The following MEGF10 variants were observed in gnomAD, a reference collection of about 807,000 sequenced individuals.
MEGF10 encodes multiple epidermal growth factor-like domains protein 10.
MEGF10 carries 86 observed loss-of-function variants against 147.5 expected under a neutral mutation model. The observed-to-expected ratio is 0.58, with a 90% CI of 0.49 to 0.70. The LOEUF is 0.70. Among genes scored for constraint, MEGF10 ranks in the 30% least tolerant of loss-of-function variants. The pLI is 0.00. For missense variants in MEGF10, 1,329 were observed against 1,487.3 expected (o/e 0.89, Z 1.75); for synonymous variants, 478 against 525.5 (o/e 0.91, Z 1.24).
the MEGF10 span, among the ~76,000 whole-genome samples, chr5:127,247,404 GAAGAAGAA>G: frequency 5.0e-5 from 3 of 60,418 alleles, no homozygotes; most frequent in African/African-American, 1.8e-4. Flanking sequence ...AGAAGAAGAA[GAAGAAGAA>G]GAAGAAGAAG....
At chr5:127,397,120 A>T (rs17839695) in intron 6 of MEGF10, among the ~76,000 whole-genome samples, 29,665 of 152,100 alleles carry the variant, frequency 0.2, 3,429 homozygotes, top group African/African-American at 0.32. Context: ...TCTCCCGAGA[A>T]TATGTTCATT....
chr5:127,365,550 A>G (rs1222754763), intron 4 of MEGF10, among the ~76,000 whole-genome samples: 1 of 152,226 alleles, frequency 6.6e-6, no homozygotes. Context: ...CCACCTGTCC[A>G]TCAGGCAGAC....
intron 1 of MEGF10, among the ~76,000 whole-genome samples, chr5:127,302,045 A>G (rs1216221415): frequency 6.6e-6 from 1 of 152,230 alleles, no homozygotes; most frequent in Non-Finnish European, 1.5e-5. Context: ...TAAACAAAAA[A>G]TTATTTATCT....
chr5:127,278,353 T>C, the MEGF10 span, among the ~76,000 whole-genome samples: 3 of 151,836 alleles, frequency 2.0e-5, no homozygotes, highest in Non-Finnish European at 2.9e-5. Context: ...CAGTATTAAA[T>C]TGAGGGTTGG....
chr5:127,358,882 T>C (rs753263277), intron 4 of MEGF10, among the ~76,000 whole-genome samples: 2 of 152,186 alleles, frequency 1.3e-5, no homozygotes, highest in Non-Finnish European at 2.9e-5. Flanking sequence ...ACTCAACCTA[T>C]AGAGACACAC....
chr5:127,459,103 G>A lies in MEGF10; in HGVS notation c.*1785G>A, dbSNP rs1487923018. 6.6e-6 allele frequency: 1 copy of A among 152,168 alleles called. No individual in the cohort carries two copies. The highest frequency in any genetic ancestry group is 6.5e-5 in the Admixed American group (1 of 15,274). 9.4% of individuals were successfully genotyped at this position (152,168 alleles called of 1,614,324 possible). On this transcript the variant is annotated 3_prime_UTR_variant, in exon 25 of 25. Transcript: ENST00000503335. ...GACATGAAATCCTATATGGCATTCT[G>A]TCTCAGTGAGTCAGTTAACAAATAC... is the stretch of plus-strand genomic sequence containing the variant.
intron 4 of MEGF10, among the ~76,000 whole-genome samples, chr5:127,354,005 T>C (rs1177490496): frequency 6.6e-6 from 1 of 152,226 alleles, no homozygotes; most frequent in East Asian, 1.9e-4. Flanking sequence ...CTGAACTGTG[T>C]ATGATTTCCT....
intron 4 of MEGF10, among the ~76,000 whole-genome samples, chr5:127,345,579 G>A (rs1489886977): frequency 6.6e-6 from 1 of 151,930 alleles, no homozygotes; most frequent in East Asian, 1.9e-4. Context: ...TCCTTGTGGT[G>A]GTTTTACTCT....
chr5:127,441,829 T>C (rs1271663784), intron 18 of MEGF10, among the ~76,000 whole-genome samples: 2 of 152,162 alleles, frequency 1.3e-5, no homozygotes, highest in Non-Finnish European at 1.5e-5. Flanking sequence ...CACTGGCACC[T>C]CACAGAGCCA....
chr5:127,433,327 C>T, intron 13 of MEGF10, 36 bp from the exon 14 acceptor site: 1 of 1,613,998 alleles, frequency 6.2e-7, no homozygotes, highest in South Asian at 1.1e-5. Context: ...TCCGCACTGC[C>T]TCTCACTCAG....
intron 5 of MEGF10, among the ~76,000 whole-genome samples, chr5:127,385,940 AC>A (rs888995218): frequency 4.7e-4 from 71 of 152,288 alleles, no homozygotes; most frequent in African/African-American, 1.7e-3. Context: ...CCTTGTCTCT[AC>A]AAAATATTTT....
At chr5:127,394,157 A>G (rs1478846941) in intron 5 of MEGF10, among the ~76,000 whole-genome samples, 4 of 152,228 alleles carry the variant, frequency 2.6e-5, no homozygotes, top group African/African-American at 9.6e-5. Flanking sequence ...TTGGTCAACT[A>G]ATTCTCTACT....
intron 1 of MEGF10, among the ~76,000 whole-genome samples, chr5:127,306,998 C>G (rs1561560050): frequency 6.6e-6 from 1 of 152,124 alleles, no homozygotes; most frequent in African/African-American, 2.4e-5. Context: ...GACAGTGATG[C>G]AGATTTCAAG....
intron 4 of MEGF10, among the ~76,000 whole-genome samples, chr5:127,355,290 TA>T (rs1762239830): frequency 6.6e-6 from 1 of 151,980 alleles, no homozygotes; most frequent in Non-Finnish European, 1.5e-5. Context: ...TGTTTAATGA[TA>T]AAATTGTGAT....
the MEGF10 span, among the ~76,000 whole-genome samples, chr5:127,239,631 A>T: frequency 1.6e-4 from 25 of 151,980 alleles, 1 homozygote; most frequent in African/African-American, 6.0e-4. Flanking sequence ...TTCATAATTT[A>T]AAAATATATC....
chr5:127,277,830 T>C, the MEGF10 span, among the ~76,000 whole-genome samples: 1 of 152,122 alleles, frequency 6.6e-6, no homozygotes, highest in Admixed American at 6.5e-5. Context: ...GTTTTTGATA[T>C]AAGCAAATGA....
chr5:127,257,797 CA>C, the MEGF10 span, among the ~76,000 whole-genome samples: 3 of 151,742 alleles, frequency 2.0e-5, no homozygotes, highest in East Asian at 5.8e-4. Flanking sequence ...TTTTTGGAGA[CA>C]AAAAAATGTA....
intron 3 of MEGF10, among the ~76,000 whole-genome samples, 166 bp from the exon 4 acceptor site, chr5:127,340,364 A>AG (rs561132056): frequency 2.1e-4 from 32 of 152,326 alleles, no homozygotes; most frequent in South Asian, 6.2e-4. Flanking sequence ...CTTAAAATAA[A>AG]GCATAGATTG....
intron 1 of MEGF10, among the ~76,000 whole-genome samples, chr5:127,329,668 C>T (rs1455286600): frequency 6.6e-6 from 1 of 151,978 alleles, no homozygotes; most frequent in African/African-American, 2.4e-5. Flanking sequence ...AGCTCCCACC[C>T]AGAAAATCAC....
Sources: allele counts gnomAD v4.1 joint callset (sites outside exome capture counted in the v4.1 genomes callset), GRCh38; gene constraint gnomAD v4.1.1; transcripts MANE v1.5; gene names NCBI Gene and HGNC (gene_info 2026-07-23, HGNC 2026-07-21).